SAP30BP: variants seen among roughly 807,000 people sequenced by gnomAD.
SAP30BP encodes the protein SAP30-binding protein.
Under a neutral mutation model 46.3 loss-of-function variants are expected in SAP30BP, and 31 were observed. That is an observed-to-expected ratio of 0.67 (90% CI 0.50 to 0.90). SAP30BP has a LOEUF of 0.90. Among genes scored for constraint, SAP30BP ranks in the 40% least tolerant of loss-of-function variants. SAP30BP has a pLI of 0.00. For synonymous variants in SAP30BP, 169 were observed against 144.2 expected (o/e 1.17, Z -1.23); for missense variants, 312 against 391.0 (o/e 0.80, Z 1.70).
intron 2 of SAP30BP, among the ~76,000 whole-genome samples, chr17:75,671,274 GC>G (rs1324172360): frequency 7.2e-5 from 11 of 152,206 alleles, no homozygotes; most frequent in Admixed American, 1.3e-4. Context: ...TTTGATGCCT[GC>G]CTTCCTGTGT....
intron 1 of SAP30BP, 61 bp downstream of exon 1, chr17:75,667,539 T>C: frequency 6.7e-7 from 1 of 1,492,040 alleles, no homozygotes; most frequent in Admixed American, 1.7e-5. Flanking sequence ...TGCTGTACCC[T>C]CGCTGGGCGG....
intron 4 of SAP30BP, 41 bp from the exon 5 acceptor site, chr17:75,699,742 C>T (rs1174759983): frequency 7.1e-7 from 1 of 1,415,444 alleles, no homozygotes; most frequent in Admixed American, 1.7e-5. Context: ...GTCCCTTGTT[C>T]TAATCCCCAC....
chr17:75,695,825 C>T (rs960755708), intron 4 of SAP30BP, among the ~76,000 whole-genome samples: 33 of 152,138 alleles, frequency 2.2e-4, no homozygotes, highest in African/African-American at 1.9e-4. Flanking sequence ...TTGACAGAGC[C>T]GAGCATGCAC....
chr17:75,689,187 C>G (rs913691206), intron 3 of SAP30BP, among the ~76,000 whole-genome samples: 4 of 136,868 alleles, frequency 2.9e-5, no homozygotes, highest in Non-Finnish European at 6.2e-5. Flanking sequence ...CAATCTTGCT[C>G]TTTCAGGCTG....
At chr17:75,692,625 A>T in intron 3 of SAP30BP, 1 of 501,386 alleles carries the variant, frequency 2.0e-6, no homozygotes, top group Non-Finnish European at 2.6e-6. Context: ...ATTTTGGTTT[A>T]GATGAAACAT....
At chr17:75,687,125 T>G (rs1242062781) in intron 3 of SAP30BP, among the ~76,000 whole-genome samples, 2 of 152,166 alleles carry the variant, frequency 1.3e-5, no homozygotes, top group Admixed American at 1.3e-4. Context: ...AAAAATGAGA[T>G]TCTTAATTGA....
chr17:75,667,856 C>T (rs573719681), intron 1 of SAP30BP, among the ~76,000 whole-genome samples: 87 of 152,308 alleles, frequency 5.7e-4, no homozygotes, highest in Admixed American at 4.5e-3. Context: ...AACTTTATAA[C>T]TTTTAGTTAG....
chr17:75,693,647 G>A (rs947740756), intron 4 of SAP30BP, among the ~76,000 whole-genome samples, 165 bp downstream of exon 4: 4 of 152,230 alleles, frequency 2.6e-5, no homozygotes, highest in African/African-American at 9.6e-5. Context: ...ATGCCCGGGT[G>A]AGACGTCCAG....
intron 5 of SAP30BP, among the ~76,000 whole-genome samples, chr17:75,701,446 C>G (rs898031067): frequency 6.6e-6 from 1 of 152,142 alleles, no homozygotes; most frequent in Non-Finnish European, 1.5e-5. Flanking sequence ...TGGGCAGGAC[C>G]CCCTTCCTGA....
chr17:75,696,387 A>C (rs1194204665), intron 4 of SAP30BP, among the ~76,000 whole-genome samples: 1 of 151,536 alleles, frequency 6.6e-6, no homozygotes, highest in Non-Finnish European at 1.5e-5. Flanking sequence ...CCAAAAAAAA[A>C]AAAAAAATTA....
intron 3 of SAP30BP, among the ~76,000 whole-genome samples, chr17:75,683,355 T>C (rs979352786): frequency 6.6e-6 from 1 of 151,736 alleles, no homozygotes; most frequent in African/African-American, 2.4e-5. Context: ...TAAAAAATAA[T>C]AATAATAATA....
chr17:75,706,002 C>T lies in SAP30BP; in HGVS notation c.661-6C>T. 1 of 1,613,034 alleles carries T rather than the reference C, an allele frequency of 6.2e-7. No homozygotes were observed. Among genetic ancestry groups the T allele is most frequent in the South Asian group, 1.1e-5 (1 of 91,078 alleles). On this transcript the variant is annotated splice_region_variant and splice_polypyrimidine_tract_variant and intron_variant, in intron 9 of 10. Coordinates refer to ENST00000584667, the MANE Select transcript of SAP30BP (RefSeq NM_013260.8). This position sits in a 1 kb window ranked among gnomAD's most constrained non-coding sequence, Gnocchi z 4.6. ...TGGTCTTATTCTCTTCCCTCTCCCTCTCCAGATTGAGTTTGTGACGGGCAC... is the reference window on the plus strand; with the variant it reads ...TGGTCTTATTCTCTTCCCTCTCCCTTTCCAGATTGAGTTTGTGACGGGCAC...
At chr17:75,671,664 C>T in intron 2 of SAP30BP, 152 bp from the exon 3 acceptor site, 3 of 603,224 alleles carry the variant, frequency 5.0e-6, no homozygotes, top group South Asian at 2.1e-5. Context: ...CCTTATTTTT[C>T]TCTGGTTCTG....
At chr17:75,678,867 C>G (rs1035988827) in intron 3 of SAP30BP, among the ~76,000 whole-genome samples, 1 of 152,140 alleles carries the variant, frequency 6.6e-6, no homozygotes, top group Non-Finnish European at 1.5e-5. Flanking sequence ...CCTGAAGCCG[C>G]GCGCAGAATT....
intron 6 of SAP30BP, 178 bp from the exon 7 acceptor site, chr17:75,703,133 C>G: frequency 1.6e-6 from 1 of 611,430 alleles, no homozygotes; most frequent in East Asian, 2.8e-5. Context: ...CCTCCCGGCC[C>G]CTAGCTAACA....
chr17:75,692,480 C>T, intron 3 of SAP30BP: 1 of 985,454 alleles, frequency 1.0e-6, no homozygotes, highest in Non-Finnish European at 1.2e-6. Flanking sequence ...GTTGATCTAA[C>T]TGGCTTTGAG....
In SAP30BP at chr17:75,675,761, A is replaced by G. The variant is rs181846703; in HGVS notation, c.264+3898A>G. 9.8e-3 allele frequency among the ~76,000 whole-genome samples: 1,493 copies of G among 152,208 alleles called. 9 individuals carry two copies. The highest frequency in any genetic ancestry group is 0.015 in the African/African-American group (632 of 41,524). ...AAAACCCCATTTCTATAAAAAAAAT[A>G]CAAAAATTAGCCGGGTGTGGCGGCG... On this transcript the variant is annotated intron_variant, in intron 3 of 10. Coordinates refer to ENST00000584667, the MANE Select transcript of SAP30BP (RefSeq NM_013260.8).
intron 3 of SAP30BP, among the ~76,000 whole-genome samples, chr17:75,674,704 T>TTG (rs1171472336): frequency 0.021 from 610 of 29,348 alleles, 4 homozygotes; most frequent in Non-Finnish European, 0.042. Context: ...TTTGTTTTTT[T>TTG]TTTTTTTTTT....
chr17:75,686,921 G>T (rs183868907), intron 3 of SAP30BP, among the ~76,000 whole-genome samples: 1 of 152,190 alleles, frequency 6.6e-6, no homozygotes, highest in Non-Finnish European at 1.5e-5. Flanking sequence ...GGAACTTGGA[G>T]GTATTTTATA....
Sources: gnomAD v4.1 joint callset for allele counts (sites outside exome capture counted in the v4.1 genomes callset) on GRCh38, gnomAD v4.1.1 for gene constraint, Gnocchi (gnomAD v3.1) non-coding constraint, MANE v1.5 for transcripts, NCBI Gene and HGNC (gene_info 2026-07-23, HGNC 2026-07-21) for gene names.